TGFBR2: variants seen among roughly 807,000 people sequenced by gnomAD.
TGFBR2 encodes transforming growth factor beta receptor 2.
A neutral mutation model predicts 49.0 loss-of-function variants in TGFBR2; 18 were observed. The observed-to-expected ratio is 0.37, with a 90% CI of 0.25 to 0.54. TGFBR2 has a LOEUF of 0.54. Among genes scored for constraint, TGFBR2 ranks in the 20% least tolerant of loss-of-function variants. TGFBR2 has a pLI of 0.85. For synonymous variants in TGFBR2, 282 were observed against 275.9 expected, an observed-to-expected ratio of 1.02 and a Z score of -0.22; for missense variants, 525 against 722.6, an observed-to-expected ratio of 0.73 and a Z score of 3.13.
At chr3:30,616,484 GGTAT>G (rs770260480) in intron 1 of TGFBR2, among the ~76,000 whole-genome samples, 34 of 152,124 alleles carry the variant, frequency 2.2e-4, no homozygotes, top group Non-Finnish European at 4.6e-4. Context: ...TAAAGACTAA[GGTAT>G]GTTGTACCAG....
At position 30,680,927 on chromosome 3, in the gene TGFBR2, G is replaced by C. The variant is rs138734088; in HGVS notation, c.1396+6681G>C. On this transcript the variant is annotated intron_variant, in intron 5 of 6. Transcript: ENST00000295754. Reference sequence around the variant, plus strand: ...TGTTGTGTGGAAGGCGGGTGAAGGCGGGTGAAGGCGGTCCTGTTCAGGGCC... The same window carrying C: ...TGTTGTGTGGAAGGCGGGTGAAGGCCGGTGAAGGCGGTCCTGTTCAGGGCC... Among the ~76,000 whole-genome samples, 545 of 152,166 alleles carry C rather than the reference G, an allele frequency of 3.6e-3. 2 individuals are homozygous for C. Among genetic ancestry groups the C allele is most frequent in the Middle Eastern group, 0.02 (6 of 294 alleles).
intron 1 of TGFBR2, among the ~76,000 whole-genome samples, chr3:30,626,013 G>T (rs1452697666): frequency 6.6e-6 from 1 of 152,156 alleles, no homozygotes; most frequent in African/African-American, 2.4e-5. Context: ...ACTTCTAAAA[G>T]AATTCCAAAG....
At chr3:30,615,245 G>T (rs1249413859) in intron 1 of TGFBR2, among the ~76,000 whole-genome samples, 1 of 152,150 alleles carries the variant, frequency 6.6e-6, no homozygotes, top group African/African-American at 2.4e-5. Flanking sequence ...ACTGTGAAGT[G>T]CTTGAACTTA....
intron 3 of TGFBR2, among the ~76,000 whole-genome samples, chr3:30,666,405 A>C (rs1050627756): frequency 3.9e-5 from 6 of 152,192 alleles, no homozygotes; most frequent in Non-Finnish European, 7.4e-5. Flanking sequence ...CTGGCAGGAA[A>C]AAGATGCATA....
chr3:30,616,681 T>A (rs948909210), intron 1 of TGFBR2, among the ~76,000 whole-genome samples: 3 of 152,152 alleles, frequency 2.0e-5, no homozygotes, highest in Non-Finnish European at 4.4e-5. Flanking sequence ...AGTTAGAAAA[T>A]CTTTAGCTAA....
At chr3:30,617,015 G>T (rs1698145568) in intron 1 of TGFBR2, among the ~76,000 whole-genome samples, 1 of 151,594 alleles carries the variant, frequency 6.6e-6, no homozygotes, top group African/African-American at 2.4e-5. Context: ...TCCTAAGGTA[G>T]AAAGTTATGA....
intron 1 of TGFBR2, among the ~76,000 whole-genome samples, chr3:30,626,268 A>G (rs1205969880): frequency 6.6e-6 from 1 of 152,234 alleles, no homozygotes; most frequent in African/African-American, 2.4e-5. Context: ...TAAATCCAGC[A>G]TAACAAATAT....
At chr3:30,609,506 A>G (rs765554779) in intron 1 of TGFBR2, among the ~76,000 whole-genome samples, 3 of 152,232 alleles carry the variant, frequency 2.0e-5, no homozygotes, top group Non-Finnish European at 4.4e-5. Context: ...AAATAAAAGA[A>G]CAAATTTCAC....
intron 1 of TGFBR2, among the ~76,000 whole-genome samples, chr3:30,630,674 G>A (rs1698418251): frequency 6.6e-6 from 1 of 152,174 alleles, no homozygotes. Flanking sequence ...AATCCCCATT[G>A]TGGTGGTATC....
Position 30,608,485 on chromosome 3 carries a change from A to G in TGFBR2, c.94+1508A>G, listed in dbSNP as rs577122590. 2.6e-5 allele frequency among the ~76,000 whole-genome samples: 4 copies of G among 152,176 alleles called. No individual in the cohort carries two copies. In the East Asian group the frequency reaches 5.8e-4, roughly 22 times the overall value. On this transcript the variant is annotated intron_variant, in intron 1 of 6. Transcript: ENST00000295754. The stretch of plus-strand genomic sequence containing the variant: ...ATGACCCATGTAGACTTTGGATGAA[A>G]TGTAGAGGAGTTGACAGTCCACATC...
intron 2 of TGFBR2, 74 bp from the exon 3 acceptor site, chr3:30,650,196 G>A: frequency 6.9e-7 from 1 of 1,456,030 alleles, no homozygotes. Context: ...TTTCTGTCTG[G>A]AGGCCATATT....
At position 30,688,506 on chromosome 3, in the gene TGFBR2, C is replaced by T. The variant is rs747068726; in HGVS notation, c.1519C>T (p.His507Tyr). 1.9e-6 allele frequency: 3 copies of T among 1,614,196 alleles called. No homozygotes were observed. Among genetic ancestry groups the T allele is most frequent in the South Asian group, 1.1e-5 (1 of 91,084 alleles). ...RPEIPSFWLN[H>Y]QGIQMVCETL... ...AGAAATTCCCAGCTTCTGGCTCAAC[C>T]ACCAGGTAAGGAGTGAGTGTTTACA... is the stretch of plus-strand genomic sequence containing the variant. The change falls in exon 6 of 7, where the codon CAC becomes TAC. Residue 507 changes from histidine to tyrosine, a missense_variant. Physicochemically the swap from His to Tyr is moderately conservative, Grantham distance 83 (BLOSUM62 2). Transcript: ENST00000295754.
At chr3:30,609,809 A>C (rs1320196103) in intron 1 of TGFBR2, among the ~76,000 whole-genome samples, 1 of 152,032 alleles carries the variant, frequency 6.6e-6, no homozygotes, top group Non-Finnish European at 1.5e-5. Flanking sequence ...TCTTCAGTCT[A>C]CTCGTGCTTT....
chr3:30,651,578 A>G (rs927729439), intron 3 of TGFBR2, among the ~76,000 whole-genome samples: 2 of 152,212 alleles, frequency 1.3e-5, no homozygotes, highest in African/African-American at 4.8e-5. Flanking sequence ...CGAATTTCAT[A>G]TTATCTCCCA....
intron 3 of TGFBR2, among the ~76,000 whole-genome samples, chr3:30,660,873 G>A (rs917138128): frequency 6.6e-6 from 1 of 152,214 alleles, no homozygotes; most frequent in African/African-American, 2.4e-5. Flanking sequence ...GCAGAGACAA[G>A]GCAGGGACCA....
In TGFBR2 at chr3:30,606,756, C is replaced by A; in HGVS notation, c.-128C>A. On this transcript the variant is annotated 5_prime_UTR_variant, in exon 1 of 7. Coordinates refer to ENST00000295754, the MANE Select transcript of TGFBR2 (RefSeq NM_003242.6). Reference sequence around the variant, plus strand: ...TGGCGAGCGGGCGCCACATCTGGCCCGCACATCTGCGCTGCCGGCCCGGCG... The same window carrying A: ...TGGCGAGCGGGCGCCACATCTGGCCAGCACATCTGCGCTGCCGGCCCGGCG... The A allele has an allele frequency of 1.6e-6, 1 of 639,624 alleles. No homozygotes were observed. The highest frequency in any genetic ancestry group is 2.3e-6 in the Non-Finnish European group (1 of 437,648). The allele number at this position is 639,624 out of a possible 1,614,324, so 39.6% of individuals were successfully genotyped here.
chr3:30,625,316 G>T (rs1000551091), intron 1 of TGFBR2, among the ~76,000 whole-genome samples: 2 of 152,144 alleles, frequency 1.3e-5, no homozygotes, highest in African/African-American at 4.8e-5. Context: ...GTTTAGCATT[G>T]CAATTTTCTG....
chr3:30,663,154 A>C (rs1433873323), intron 3 of TGFBR2, among the ~76,000 whole-genome samples: 1 of 152,134 alleles, frequency 6.6e-6, no homozygotes, highest in Non-Finnish European at 1.5e-5. Flanking sequence ...TATGAAGCAT[A>C]TATGTGAGTG....
intron 1 of TGFBR2, among the ~76,000 whole-genome samples, chr3:30,637,728 T>C (rs1698563488): frequency 6.6e-6 from 1 of 152,230 alleles, no homozygotes; most frequent in African/African-American, 2.4e-5. Context: ...TTGCGTTGTG[T>C]TCCTTGTTTG....
Sources: allele counts gnomAD v4.1 joint callset (sites outside exome capture counted in the v4.1 genomes callset), GRCh38; gene constraint gnomAD v4.1.1; transcripts MANE v1.5; gene names NCBI Gene and HGNC (gene_info 2026-07-23, HGNC 2026-07-21).